Variants in SENP2 observed in about 807,000 individuals in gnomAD.
SENP2 encodes the protein SUMO specific peptidase 2.
A neutral mutation model predicts 86.3 loss-of-function variants in SENP2; 16 were observed. The observed-to-expected ratio is 0.19, with a 90% CI of 0.13 to 0.28. SENP2 has a LOEUF of 0.28. SENP2 is among the 10% of genes least tolerant of loss of function. The pLI is 1.00. For synonymous variants in SENP2, 222 were observed against 238.7 expected, an observed-to-expected ratio of 0.93 and a Z score of 0.64; for missense variants, 552 against 703.0, an observed-to-expected ratio of 0.79 and a Z score of 2.43.
chr3:185,597,587 C>A (rs1722215173), intron 2 of SENP2, among the ~76,000 whole-genome samples: 1 of 151,300 alleles, frequency 6.6e-6, no homozygotes, highest in African/African-American at 2.4e-5. Flanking sequence ...CTCCTGACCT[C>A]AAGTGATCCA....
chr3:185,619,165 G>A, intron 12 of SENP2, 134 bp from the exon 13 acceptor site: 1 of 659,630 alleles, frequency 1.5e-6, no homozygotes, highest in Middle Eastern at 4.1e-4. Flanking sequence ...TTTTTTCCCT[G>A]TCTTCTACTA....
intron 7 of SENP2, among the ~76,000 whole-genome samples, chr3:185,610,225 A>G (rs1722641322): frequency 6.7e-6 from 1 of 148,152 alleles, no homozygotes; most frequent in African/African-American, 2.5e-5. Context: ...CAGTGATGCA[A>G]TCTCAGCTCA....
intron 8 of SENP2, 114 bp downstream of exon 8, chr3:185,611,859 A>C (rs1313502311): frequency 2.5e-6 from 2 of 787,334 alleles, no homozygotes; most frequent in African/African-American, 3.5e-5. Flanking sequence ...AAATACTGTC[A>C]AATCTCACAG....
intron 4 of SENP2, among the ~76,000 whole-genome samples, chr3:185,599,493 T>C (rs1722275790): frequency 6.6e-6 from 1 of 152,136 alleles, no homozygotes; most frequent in African/African-American, 2.4e-5. Flanking sequence ...GTCATTATTA[T>C]ATATATGCAC....
chr3:185,629,757 G>T (rs1163215168), intron 16 of SENP2, 25 bp from the exon 17 acceptor site: 1 of 1,613,044 alleles, frequency 6.2e-7, no homozygotes, highest in Admixed American at 1.7e-5. Context: ...TGTAATGCGG[G>T]CGTTGTTTAT....
At chr3:185,594,807 C>CG (rs1722124963) in intron 2 of SENP2, among the ~76,000 whole-genome samples, 1 of 152,044 alleles carries the variant, frequency 6.6e-6, no homozygotes, top group Non-Finnish European at 1.5e-5. Context: ...TTAGTAGAGA[C>CG]GGAGTTTCAC....
chr3:185,606,555 GC>G, intron 6 of SENP2, 57 bp downstream of exon 6: 1 of 1,399,398 alleles, frequency 7.1e-7, no homozygotes, highest in African/African-American at 1.4e-5. Flanking sequence ...TCCCAAGGAT[GC>G]TGCCTAGAGA....
At chr3:185,629,479 G>C (rs959000398) in intron 16 of SENP2, among the ~76,000 whole-genome samples, 16 of 151,954 alleles carry the variant, frequency 1.1e-4, no homozygotes, top group African/African-American at 3.9e-4. Flanking sequence ...GCTGGAGACT[G>C]AGGGACAAGA....
intron 5 of SENP2, 39 bp from the exon 6 acceptor site, chr3:185,606,291 C>G: frequency 3.2e-6 from 5 of 1,550,562 alleles, no homozygotes; most frequent in South Asian, 2.5e-5. Context: ...ATTTAAGCAG[C>G]TTGGTGATAC....
rs1712456687 is a variant in SENP2, at chr3:185,631,444, C to A, written c.*1600C>A. On this transcript the variant is annotated 3_prime_UTR_variant, in exon 17 of 17. Transcript: ENST00000296257. ...CACCTCTCCCCCCCCCCTCCCACTC[C>A]CCCTCCCTCCCTCTCCCCTCCCCCT... The A allele has an allele frequency of 5.2e-5, 1 of 19,194 alleles. No individual in the cohort carries two copies. The highest frequency in any genetic ancestry group is 2.0e-3 in the East Asian group (1 of 504). 1.2% of individuals were successfully genotyped at this position (19,194 alleles called of 1,614,324 possible).
In SENP2 at chr3:185,613,356, G is replaced by A. The variant is rs1181794447; in HGVS notation, c.881G>A (p.Gly294Glu). ...ATTTTTTTCCTTAGGTGTTCAAAGG[G>A]GAAAATTACTGATACAGAGACGATG... is the stretch of plus-strand genomic sequence containing the variant. ...SLRSEKRCSK[G>E]KITDTETMVG... The change falls in exon 10 of 17, where the codon GGG becomes GAG. Residue 294 changes from glycine (G) to glutamate (E), a missense_variant. Coordinates refer to ENST00000296257, the MANE Select transcript of SENP2 (RefSeq NM_021627.3). 3.8e-6 allele frequency: 6 copies of A among 1,588,518 alleles called. No individual in the cohort carries two copies. Among genetic ancestry groups the A allele is most frequent in the Non-Finnish European group, 5.2e-6 (6 of 1,159,244 alleles).
At chr3:185,611,830 A>G in intron 8 of SENP2, 85 bp downstream of exon 8, 1 of 980,822 alleles carries the variant, frequency 1.0e-6, no homozygotes, top group South Asian at 1.5e-5. Flanking sequence ...ATTGACATTC[A>G]AGTGTAGATG....
intron 2 of SENP2, among the ~76,000 whole-genome samples, chr3:185,590,611 A>C (rs904289256): frequency 6.7e-6 from 1 of 149,946 alleles, no homozygotes; most frequent in African/African-American, 2.5e-5. Context: ...TCAAACCTTT[A>C]ATTCCAGCAC....
Position 185,600,799 on chromosome 3 carries a change from A to C in SENP2, c.393A>C (p.Pro131=), listed in dbSNP as rs201270901. Residue 131 remains proline (P), a synonymous_variant, in exon 5 of 17, where the codon CCA becomes CCC. Coordinates refer to ENST00000296257, the MANE Select transcript of SENP2 (RefSeq NM_021627.3). ...CTCCTAATGGAATAAGTGACTATCC[A>C]AAGATCAGAGTGACAGTTACCCGAG... The part of the protein sequence containing the change: ...NKSPNGISDY[P]KIRVTVTRDQ... 61 of 1,611,738 alleles carry C rather than the reference A, an allele frequency of 3.8e-5. No individual in the cohort carries two copies. The African/African-American group carries it at 7.6e-4, about 20-fold the overall frequency.
intron 16 of SENP2, among the ~76,000 whole-genome samples, chr3:185,628,747 A>T (rs149917990): frequency 6.6e-6 from 1 of 150,976 alleles, no homozygotes; most frequent in Non-Finnish European, 1.5e-5. Flanking sequence ...CTCAGGTGAT[A>T]TGCCCACCTT....
At chr3:185,628,600 G>A (rs534882891) in intron 16 of SENP2, among the ~76,000 whole-genome samples, 2 of 152,236 alleles carry the variant, frequency 1.3e-5, no homozygotes, top group East Asian at 1.9e-4. Context: ...TCCGCCTCCC[G>A]GGTTCAAGCA....
At chr3:185,594,305 G>T (rs1188965199) in intron 2 of SENP2, among the ~76,000 whole-genome samples, 1 of 152,130 alleles carries the variant, frequency 6.6e-6, no homozygotes, top group East Asian at 1.9e-4. Flanking sequence ...ATGATTTTCT[G>T]AATGGCAAAT....
At chr3:185,627,470 T>C (rs1464185924) in intron 16 of SENP2, among the ~76,000 whole-genome samples, 2 of 152,234 alleles carry the variant, frequency 1.3e-5, no homozygotes, top group Non-Finnish European at 1.5e-5. Flanking sequence ...TGGAGTGCAG[T>C]GGCACGATCT....
intron 10 of SENP2, chr3:185,613,673 T>C: frequency 4.2e-6 from 1 of 235,610 alleles, no homozygotes; most frequent in East Asian, 1.1e-4. Context: ...CACAAAAAAA[T>C]TTAAAAGTTA....
Sources: gnomAD v4.1 joint callset for allele counts (sites outside exome capture counted in the v4.1 genomes callset) on GRCh38, gnomAD v4.1.1 for gene constraint, MANE v1.5 for transcripts, NCBI Gene and HGNC (gene_info 2026-07-23, HGNC 2026-07-21) for gene names.